The following ZDHHC14 variants were observed in gnomAD, a reference collection of about 807,000 sequenced individuals.
ZDHHC14 encodes zDHHC palmitoyltransferase 14.
In ZDHHC14, 16 loss-of-function variants were observed where a neutral mutation model predicts 47.7. That is an observed-to-expected ratio of 0.34 (90% confidence interval 0.23 to 0.51). ZDHHC14 has a LOEUF of 0.51. Ranked by LOEUF, ZDHHC14 falls within the 20% of genes least tolerant of loss-of-function variation. ZDHHC14 has a pLI of 0.97. For missense variants in ZDHHC14, 515 were observed against 662.5 expected, an observed-to-expected ratio of 0.78 and a Z score of 2.44; for synonymous variants, 293 against 278.9, an observed-to-expected ratio of 1.05 and a Z score of -0.50.
chr6:157,496,471 G>C (rs1274355570), intron 1 of ZDHHC14, among the ~76,000 whole-genome samples: 1 of 152,192 alleles, frequency 6.6e-6, no homozygotes, highest in African/African-American at 2.4e-5. Context: ...TTGGGACATT[G>C]GTTCTTTACA....
chr6:157,460,387 A>G (rs1042122665), intron 1 of ZDHHC14, among the ~76,000 whole-genome samples: 1 of 135,790 alleles, frequency 7.4e-6, no homozygotes, highest in South Asian at 2.6e-4. Context: ...CAACAGAGCC[A>G]GACTCACTCT....
chr6:157,412,651 ATTCAGG>A (rs200954169), intron 1 of ZDHHC14, among the ~76,000 whole-genome samples: 3,308 of 152,290 alleles, frequency 0.022, 127 homozygotes, highest in African/African-American at 0.076. Context: ...TACCTTCACA[ATTCAGG>A]TGGAAATGGT....
At chr6:157,415,744 T>C (rs1040568011) in intron 1 of ZDHHC14, among the ~76,000 whole-genome samples, 7 of 152,020 alleles carry the variant, frequency 4.6e-5, no homozygotes, top group Non-Finnish European at 8.8e-5. Context: ...CATGGTAGCA[T>C]GTGCCTGTAA....
intron 3 of ZDHHC14, among the ~76,000 whole-genome samples, chr6:157,617,192 A>T (rs547968285): frequency 3.9e-5 from 6 of 152,200 alleles, no homozygotes; most frequent in Non-Finnish European, 8.8e-5. Flanking sequence ...CAGATGAGAT[A>T]TTATGTGAAA....
intron 1 of ZDHHC14, among the ~76,000 whole-genome samples, chr6:157,390,688 CT>C (rs893421712): frequency 2.8e-4 from 42 of 151,790 alleles, no homozygotes; most frequent in East Asian, 1.2e-3. Context: ...TTTTTGATAT[CT>C]TTTTTTTATT....
chr6:157,649,588 C>T (rs1347227063), intron 7 of ZDHHC14, among the ~76,000 whole-genome samples: 1 of 152,234 alleles, frequency 6.6e-6, no homozygotes, highest in Non-Finnish European at 1.5e-5. Context: ...CTTCCTCGGA[C>T]CCCTGGGCCC....
At chr6:157,413,547 T>C (rs531303281) in intron 1 of ZDHHC14, among the ~76,000 whole-genome samples, 7 of 152,268 alleles carry the variant, frequency 4.6e-5, no homozygotes, top group Non-Finnish European at 7.4e-5. Context: ...TTTTTTTTTC[T>C]TTTAAAGGTA....
intron 1 of ZDHHC14, among the ~76,000 whole-genome samples, chr6:157,522,823 C>T (rs1193830544): frequency 1.4e-4 from 5 of 36,266 alleles, no homozygotes; most frequent in African/African-American, 1.9e-4. Flanking sequence ...CTCCCTCCCT[C>T]CCTCCCTCCC....
chr6:157,592,063 A>G (rs1204522298), intron 2 of ZDHHC14, among the ~76,000 whole-genome samples: 1 of 152,046 alleles, frequency 6.6e-6, no homozygotes, highest in African/African-American at 2.4e-5. Context: ...TCTAGGTGAA[A>G]TAAAACTGGA....
At chr6:157,590,412 C>G (rs1783864006) in intron 2 of ZDHHC14, among the ~76,000 whole-genome samples, 1 of 152,156 alleles carries the variant, frequency 6.6e-6, no homozygotes, top group East Asian at 1.9e-4. Context: ...GGACTCTAAC[C>G]CAGCCACTCC....
chr6:157,460,098 G>A lies in ZDHHC14; in HGVS notation c.245+77832G>A, dbSNP rs941160128. Among the ~76,000 whole-genome samples, 60 of 151,426 alleles carry A rather than the reference G, an allele frequency of 4.0e-4. 1 individual carries two copies. The highest frequency in any genetic ancestry group is 1.3e-3 in the African/African-American group (54 of 41,318). On this transcript the variant is annotated intron_variant, in intron 1 of 8. Coordinates refer to ENST00000359775, the MANE Select transcript of ZDHHC14 (RefSeq NM_024630.3). ...AAAATAGCCAGGTCTAGCTACTTGG[G>A]GGGCTGAGGCAGGAGAATCGCCTGA...
chr6:157,394,457 T>G (rs1777483203), intron 1 of ZDHHC14, among the ~76,000 whole-genome samples: 1 of 152,220 alleles, frequency 6.6e-6, no homozygotes, highest in African/African-American at 2.4e-5. Context: ...ACGTGCACCT[T>G]TGGAGCCCTG....
chr6:157,436,626 G>A (rs1351460243), intron 1 of ZDHHC14, among the ~76,000 whole-genome samples: 1 of 152,048 alleles, frequency 6.6e-6, no homozygotes, highest in African/African-American at 2.4e-5. Context: ...ATGTGATGAT[G>A]GGCACAGGCG....
chr6:157,459,191 T>G (rs1056325578), intron 1 of ZDHHC14, among the ~76,000 whole-genome samples: 1 of 152,164 alleles, frequency 6.6e-6, no homozygotes, highest in East Asian at 1.9e-4. Context: ...AAGGTATTTC[T>G]CCAGCAGTGT....
Position 157,451,663 on chromosome 6 carries a change from C to T in ZDHHC14, c.245+69397C>T, listed in dbSNP as rs536504006. On this transcript the variant is annotated intron_variant, in intron 1 of 8. Transcript: ENST00000359775. ...GCAATCTCCGCCTCCTGGGTTCAAG[C>T]GATTCTTGTGCCTCAGCCTCCCGAG... Among the ~76,000 whole-genome samples, 340 of 152,274 alleles carry T rather than the reference C, an allele frequency of 2.2e-3. 1 individual carries two copies. Among genetic ancestry groups the T allele is most frequent in the African/African-American group, 7.7e-3 (318 of 41,550 alleles).
At chr6:157,484,268 T>TGTATATATAA (rs1261482191) in intron 1 of ZDHHC14, among the ~76,000 whole-genome samples, 13 of 141,156 alleles carry the variant, frequency 9.2e-5, no homozygotes, top group African/African-American at 3.4e-4. Flanking sequence ...TATATATATA[T>TGTATATATAA]GTATATATAC....
chr6:157,587,469 G>A (rs896076221), intron 2 of ZDHHC14, among the ~76,000 whole-genome samples: 7 of 152,190 alleles, frequency 4.6e-5, no homozygotes, highest in Non-Finnish European at 5.9e-5. Flanking sequence ...ATTTGATGGG[G>A]CAGCCACCTG....
intron 1 of ZDHHC14, among the ~76,000 whole-genome samples, chr6:157,537,841 C>T (rs1329191041): frequency 1.3e-5 from 2 of 152,170 alleles, no homozygotes; most frequent in Non-Finnish European, 2.9e-5. Flanking sequence ...CCATACTGTG[C>T]ACAGTGCTTC....
intron 1 of ZDHHC14, among the ~76,000 whole-genome samples, chr6:157,430,018 T>C (rs1055996630): frequency 6.6e-6 from 1 of 152,218 alleles, no homozygotes; most frequent in Non-Finnish European, 1.5e-5. Context: ...TTGCTATTGC[T>C]GCTGTAACAA....
Sources: allele counts gnomAD v4.1 joint callset (sites outside exome capture counted in the v4.1 genomes callset), GRCh38; gene constraint gnomAD v4.1.1; transcripts MANE v1.5; gene names NCBI Gene and HGNC (gene_info 2026-07-23, HGNC 2026-07-21).